MAN2B2: variants seen among roughly 807,000 people sequenced by gnomAD.
The protein encoded by MAN2B2 is mannosidase alpha class 2B member 2.
MAN2B2 carries 106 observed loss-of-function variants against 117.1 expected under a neutral mutation model. That is an observed-to-expected ratio of 0.90 (90% CI 0.77 to 1.06). MAN2B2 has a LOEUF of 1.06. MAN2B2 is among the 50% of genes least tolerant of loss of function. The pLI, the probability that MAN2B2 is intolerant of heterozygous loss-of-function variation, is 0.00. For synonymous variants in MAN2B2, 544 were observed against 595.1 expected, an observed-to-expected ratio of 0.91 and a Z score of 1.25; for missense variants, 1,326 against 1,381.4, an observed-to-expected ratio of 0.96 and a Z score of 0.64.
intron 10 of MAN2B2, 133 bp from the exon 11 acceptor site, chr4:6,604,922 C>G: frequency 1.8e-6 from 2 of 1,108,370 alleles, no homozygotes; most frequent in South Asian, 1.5e-5. Flanking sequence ...AAAGCCAGAA[C>G]TGGGGGCAGG....
At chr4:6,579,124 TAC>T (rs1726230015) in intron 3 of MAN2B2, among the ~76,000 whole-genome samples, 3 of 20,596 alleles carry the variant, frequency 1.5e-4, no homozygotes, top group Non-Finnish European at 2.0e-4. Flanking sequence ...CCATCACCAC[TAC>T]CACCACCACC....
chr4:6,576,735 C>T lies in MAN2B2; in HGVS notation c.285+11C>T. 3.1e-6 allele frequency: 5 copies of T among 1,612,858 alleles called. No homozygotes were observed. The highest frequency in any genetic ancestry group is 4.2e-6 in the Non-Finnish European group (5 of 1,179,164). On this transcript the variant is annotated intron_variant, in intron 2 of 18. Coordinates refer to ENST00000285599, the MANE Select transcript of MAN2B2 (RefSeq NM_015274.3). ...CAGCAGAAATACCAGGTAATGAGGT[C>T]ACCAGGTGACACAGTTGGCCCAGTA...
intron 18 of MAN2B2, 176 bp from the exon 19 acceptor site, chr4:6,621,012 G>A: frequency 3.5e-6 from 2 of 571,036 alleles, no homozygotes; most frequent in Non-Finnish European, 6.3e-6. Context: ...GCAGACTGTA[G>A]CCAGGTGCAG....
In MAN2B2 at chr4:6,623,136, C is replaced by T. The variant is rs1712243853; in HGVS notation, c.*1851C>T. ...TTGGGAGGCCAAAGCAACCGGATCA[C>T]TGGTGGTCAGTAGTTCAAGACCAGG... On this transcript the variant is annotated 3_prime_UTR_variant, in exon 19 of 19. Coordinates refer to ENST00000285599, the MANE Select transcript of MAN2B2 (RefSeq NM_015274.3). 6.6e-6 allele frequency: 1 copy of T among 151,888 alleles called. No individual in the cohort carries two copies. Among genetic ancestry groups the T allele is most frequent in the African/African-American group, 2.4e-5 (1 of 41,002 alleles). The allele number at this position is 151,888 out of a possible 1,614,324, so 9.4% of individuals were successfully genotyped here.
At chr4:6,613,251 A>T (rs1217486008) in intron 15 of MAN2B2, among the ~76,000 whole-genome samples, 1 of 152,162 alleles carries the variant, frequency 6.6e-6, no homozygotes, top group South Asian at 2.1e-4. Context: ...AGACCAGTAG[A>T]TGACAAAACA....
intron 5 of MAN2B2, among the ~76,000 whole-genome samples, chr4:6,592,176 G>A (rs368588303): frequency 1.3e-5 from 2 of 152,216 alleles, no homozygotes; most frequent in African/African-American, 4.8e-5. Flanking sequence ...CAAGGCAGAG[G>A]GGGTGAAGAA....
chr4:6,596,017 G>A (rs1236994680), intron 7 of MAN2B2, among the ~76,000 whole-genome samples: 2 of 152,200 alleles, frequency 1.3e-5, no homozygotes, highest in East Asian at 3.8e-4. Context: ...GTTAATGTGG[G>A]CATGGCTAAT....
intron 3 of MAN2B2, 35 bp downstream of exon 3, chr4:6,578,533 A>G: frequency 3.2e-6 from 5 of 1,557,926 alleles, no homozygotes; most frequent in Non-Finnish European, 4.4e-6. Flanking sequence ...AGGGTCCCTC[A>G]GGACCTCCAG....
rs1560634848 is a variant in MAN2B2 at position 6,579,259 on chromosome 4, CCACCACCACCAT to C, written c.391+779_391+790del. ...CCACCACCACCCTTCACCACCATCA[CCACCACCACCAT>C]CACCACCACCATCACCATCACCACC... On this transcript the variant is annotated intron_variant, in intron 3 of 18. Transcript: ENST00000285599. 3.7e-4 allele frequency among the ~76,000 whole-genome samples: 32 copies of C among 85,728 alleles called. 1 individual carries two copies. The highest frequency in any genetic ancestry group is 7.3e-4 in the Admixed American group (6 of 8,232). The allele number at this position is 85,728 out of a possible 152,430, so 56.2% of individuals were successfully genotyped here.
At chr4:6,605,723 T>C (rs1727518679) in intron 11 of MAN2B2, among the ~76,000 whole-genome samples, 1 of 151,984 alleles carries the variant, frequency 6.6e-6, no homozygotes, top group South Asian at 2.1e-4. Flanking sequence ...TACCCATCTA[T>C]TCACCCACCC....
In MAN2B2 at chr4:6,589,104, G is replaced by A. The variant is rs775182494; in HGVS notation, c.624G>A (p.Thr208=). ...TCTCAGAGCGGCAGGAAATCTTCAC[G>A]CACATCATGGACCAGTACAGCTACT... is the stretch of plus-strand genomic sequence containing the variant. ...PSLSERQEIF[T]HIMDQYSYCT... Residue 208 remains threonine (T), a synonymous_variant, in exon 5 of 19, where the codon ACG becomes ACA. Coordinates refer to ENST00000285599, the MANE Select transcript of MAN2B2 (RefSeq NM_015274.3). 1.2e-5 allele frequency: 19 copies of A among 1,614,036 alleles called. No homozygotes were observed. Among genetic ancestry groups the A allele is most frequent in the South Asian group, 4.4e-5 (4 of 91,086 alleles).
At chr4:6,616,275 C>T (rs112815286) in intron 16 of MAN2B2, among the ~76,000 whole-genome samples, 4 of 152,266 alleles carry the variant, frequency 2.6e-5, no homozygotes, top group African/African-American at 7.2e-5. Flanking sequence ...CTCTGAGCCT[C>T]GGTCTTCCCA....
At chr4:6,619,697 A>C in intron 17 of MAN2B2, 1 of 452,986 alleles carries the variant, frequency 2.2e-6, no homozygotes. Flanking sequence ...GCCACCTGGT[A>C]AAGCATGCAC....
chr4:6,587,103 G>A lies in MAN2B2; in HGVS notation c.499G>A (p.Gly167Ser), dbSNP rs1306406070. The change falls in exon 4 of 19, where the codon GGC becomes AGC. Residue 167 changes from glycine to serine, a missense_variant. By Grantham distance (56) the Gly-to-Ser change is moderately conservative (BLOSUM62 0). Transcript: ENST00000285599. Reference protein sequence around the residue: ...ATTPTLFALAGFNAHLGSRID... With the variant: ...ATTPTLFALASFNAHLGSRID... ...GACGCCCACCCTATTTGCGCTGGCG[G>A]GCTTCAATGCCCACCTCGGCTCCCG... The A allele has an allele frequency of 1.2e-6, 2 of 1,613,996 alleles. No individual in the cohort carries two copies. The highest frequency in any genetic ancestry group is 1.7e-6 in the Non-Finnish European group (2 of 1,180,020).
intron 4 of MAN2B2, 70 bp from the exon 5 acceptor site, chr4:6,588,975 G>A: frequency 8.6e-7 from 1 of 1,167,958 alleles, no homozygotes; most frequent in Non-Finnish European, 1.3e-6. Context: ...ACACCCAGAT[G>A]GGGCTGAGGG....
intron 5 of MAN2B2, among the ~76,000 whole-genome samples, chr4:6,591,150 C>CA (rs1235069328): frequency 4.0e-4 from 59 of 146,554 alleles, no homozygotes; most frequent in Middle Eastern, 3.5e-3. Context: ...TATCTCAAAA[C>CA]AAAAAAAAAA....
chr4:6,576,654 T>A lies in MAN2B2; in HGVS notation c.215T>A (p.Phe72Tyr). 2 of 1,613,986 alleles carry A rather than the reference T, an allele frequency of 1.2e-6. No individual in the cohort carries two copies. Among genetic ancestry groups the A allele is most frequent in the South Asian group, 2.2e-5 (2 of 91,090 alleles). ...CTGGCCCGCGGCCAGCAGCGCCGGT[T>A]CATCGCTGTGGAGCAGGAGTTTTTC... ...EELARGQQRR[F>Y]IAVEQEFFRL... Residue 72 changes from phenylalanine to tyrosine, a missense_variant, in exon 2 of 19, where the codon TTC becomes TAC. Coordinates refer to ENST00000285599, the MANE Select transcript of MAN2B2 (RefSeq NM_015274.3).
chr4:6,620,946 C>G lies in MAN2B2; in HGVS notation c.2933-242C>G. The stretch of plus-strand genomic sequence containing the variant: ...GGGTGGGCAGAAACGCCAAGAGGCC[C>G]ACAGGAGTCCTGGCAGAAGGGGATG... On this transcript the variant is annotated intron_variant, in intron 18 of 18. Coordinates refer to ENST00000285599, the MANE Select transcript of MAN2B2 (RefSeq NM_015274.3). 9.9e-6 allele frequency: 5 copies of G among 504,770 alleles called. No individual in the cohort carries two copies. In the South Asian group the frequency reaches 1.4e-4, roughly 14 times the overall value. The allele number at this position is 504,770 out of a possible 1,614,324, so 31.3% of individuals were successfully genotyped here. A position where few individuals can be genotyped will look rare whatever the true frequency, so the allele number is the denominator to read the frequency against.
intron 5 of MAN2B2, among the ~76,000 whole-genome samples, chr4:6,591,301 G>A (rs977924573): frequency 5.9e-5 from 9 of 152,188 alleles, no homozygotes; most frequent in South Asian, 2.1e-4. Context: ...CACCCTAAAT[G>A]GTAGATGGTT....
Sources: allele counts gnomAD v4.1 joint callset (sites outside exome capture counted in the v4.1 genomes callset), GRCh38; gene constraint gnomAD v4.1.1; transcripts MANE v1.5; gene names NCBI Gene and HGNC (gene_info 2026-07-23, HGNC 2026-07-21).